NKIRAS1: variants seen among roughly 807,000 people sequenced by gnomAD.
NKIRAS1 encodes the protein NF-kappa-B inhibitor-interacting Ras-like protein 1.
A neutral mutation model predicts 19.8 loss-of-function variants in NKIRAS1; 16 were observed. The observed-to-expected ratio is 0.81, with a 90% confidence interval of 0.55 to 1.23. The LOEUF is 1.23. Among genes scored for constraint, NKIRAS1 ranks in the 50% most tolerant of loss-of-function variants. The probability of loss-of-function intolerance (pLI) is 0.00; values close to 1 mark genes in which losing one functional copy is unlikely to be tolerated. For synonymous variants in NKIRAS1, 88 were observed against 79.0 expected (o/e 1.11, Z -0.61); for missense variants, 184 against 220.0 (o/e 0.84, Z 1.04).
chr3:23,925,519 A>G (rs1181456947), intron 1 of NKIRAS1, among the ~76,000 whole-genome samples: 3 of 152,192 alleles, frequency 2.0e-5, no homozygotes, highest in Non-Finnish European at 2.9e-5. Context: ...CTGTGGTTCC[A>G]GCTACTCAGG....
At chr3:23,907,708 G>C (rs967146307) in intron 3 of NKIRAS1, among the ~76,000 whole-genome samples, 1 of 152,060 alleles carries the variant, frequency 6.6e-6, no homozygotes, top group African/African-American at 2.4e-5. Flanking sequence ...AAATTAAAAA[G>C]CCAGTTTTAC....
At chr3:23,939,607 G>T (rs1245626980) in intron 1 of NKIRAS1, among the ~76,000 whole-genome samples, 1 of 152,180 alleles carries the variant, frequency 6.6e-6, no homozygotes, top group Non-Finnish European at 1.5e-5. Flanking sequence ...TGGGCATGGT[G>T]GCATGTGCCT....
chr3:23,928,893 AG>A (rs1705257636), intron 1 of NKIRAS1, among the ~76,000 whole-genome samples: 1 of 151,846 alleles, frequency 6.6e-6, no homozygotes, highest in Admixed American at 6.6e-5. Context: ...GCCACTTGGT[AG>A]GCTGAAGCAG....
At chr3:23,931,635 T>C (rs1705316956) in intron 1 of NKIRAS1, among the ~76,000 whole-genome samples, 1 of 152,182 alleles carries the variant, frequency 6.6e-6, no homozygotes, top group African/African-American at 2.4e-5. Flanking sequence ...TTTAATGCAT[T>C]CATTTTCTGT....
exon 1 of NKIRAS1, chr3:23,946,323 C>G: frequency 1.0e-6 from 1 of 981,746 alleles, no homozygotes; most frequent in African/African-American, 1.7e-5. Flanking sequence ...AGCTGCATAC[C>G]TTGCAGATTC....
rs574771670 is a variant in NKIRAS1, at chr3:23,909,892, C to T, written c.94+919G>A. ...TTTTTTTTTTTGAGATGGAGTCTCG[C>T]TCTGTCGCCAGGCTGGAGTGCAGTG... On this transcript the variant is annotated intron_variant, in intron 3 of 4. Coordinates refer to ENST00000425478, the MANE Select transcript of NKIRAS1 (RefSeq NM_020345.4). 9.2e-4 allele frequency among the ~76,000 whole-genome samples: 133 copies of T among 144,032 alleles called. 1 individual carries two copies. The highest frequency in any genetic ancestry group is 1.9e-3 in the Admixed American group (26 of 13,866). The allele number at this position is 144,032 out of a possible 152,430, so 94.5% of individuals were successfully genotyped here.
At chr3:23,894,113 AAAAAAGTATGT>A (rs1412994394) in intron 4 of NKIRAS1, among the ~76,000 whole-genome samples, 4 of 152,208 alleles carry the variant, frequency 2.6e-5, no homozygotes, top group East Asian at 1.9e-4. Context: ...GCCAAAAACA[AAAAAAGTATGT>A]GCCAATAGGA....
chr3:23,899,958 T>C lies in NKIRAS1; in HGVS notation c.336+850A>G, dbSNP rs1702345542. On this transcript the variant is annotated intron_variant, in intron 4 of 4. Coordinates refer to ENST00000425478, the MANE Select transcript of NKIRAS1 (RefSeq NM_020345.4). ...GCAGGCGGATCACAAAGTCAGGAGA[T>C]CGAGACCATCCTGGCTAACACGGTG... 2.0e-5 allele frequency among the ~76,000 whole-genome samples: 3 copies of C among 151,424 alleles called. No homozygotes were observed. In the South Asian group the frequency reaches 6.3e-4, roughly 32 times the overall value.
chr3:23,945,214 G>A (rs1419207367), intron 1 of NKIRAS1: 4 of 148,956 alleles, frequency 2.7e-5, no homozygotes, highest in Admixed American at 2.7e-4. Context: ...GGAGGTCGCC[G>A]CAGCGGCCGG....
intron 1 of NKIRAS1, chr3:23,946,182 C>A (rs932720929): frequency 1.9e-5 from 19 of 985,212 alleles, no homozygotes; most frequent in Non-Finnish European, 2.3e-5. Context: ...CCGCTGAGCC[C>A]CCGCGGCGGG....
rs374477269 is a variant in NKIRAS1 at position 23,942,118 on chromosome 3, A to G, written c.-140+4205T>C. On this transcript the variant is annotated intron_variant, in intron 1 of 4. Transcript: ENST00000421515. ...CTCAACCTCCCTAGTGGCTAGGATTACAGGTGTGTGCTACCACATCCGGCT... is the reference window on the plus strand; with the variant it reads ...CTCAACCTCCCTAGTGGCTAGGATTGCAGGTGTGTGCTACCACATCCGGCT... Among the ~76,000 whole-genome samples, 37 of 152,190 alleles carry G rather than the reference A, an allele frequency of 2.4e-4. No individual in the cohort carries two copies. The South Asian group carries it at 4.6e-3, about 19-fold the overall frequency.
intron 3 of NKIRAS1, among the ~76,000 whole-genome samples, chr3:23,905,279 T>C (rs1702910662): frequency 6.6e-6 from 1 of 152,084 alleles, no homozygotes; most frequent in South Asian, 2.1e-4. Context: ...TAACCAAAAG[T>C]CAAGGGAAGG....
upstream of NKIRAS1, chr3:23,920,821 A>T: frequency 2.1e-6 from 2 of 930,972 alleles, no homozygotes; most frequent in Non-Finnish European, 2.6e-6. Context: ...CAACTGAAGG[A>T]ATAAATGTCT....
chr3:23,895,832 T>C (rs73036705), intron 4 of NKIRAS1, among the ~76,000 whole-genome samples: 2,214 of 152,160 alleles, frequency 0.015, 44 homozygotes, highest in Non-Finnish European at 0.019. Context: ...TTCAGTAAGA[T>C]ACGCAATTAG....
rs1279928490 is a variant in NKIRAS1 at position 23,900,807 on chromosome 3, C to T, written c.336+1G>A. 1 of 1,611,630 alleles carries T rather than the reference C, an allele frequency of 6.2e-7. No homozygotes were observed. The highest frequency in any genetic ancestry group is 8.5e-7 in the Non-Finnish European group (1 of 1,178,450). On this transcript the variant is annotated splice_donor_variant, in intron 4 of 4. Coordinates refer to ENST00000425478, the MANE Select transcript of NKIRAS1 (RefSeq NM_020345.4). LOFTEE classifies it high-confidence loss of function. The stretch of plus-strand genomic sequence containing the variant: ...TTGGCATTTTTAACATATCCACTTG[C>T]CTCTTTTTTGTCTTTGAACTTATCG...
chr3:23,902,273 G>A lies in NKIRAS1; in HGVS notation c.95-1224C>T, dbSNP rs573639881. On this transcript the variant is annotated intron_variant, in intron 3 of 4. Transcript: ENST00000425478. ...TACATGAAATGTCCGTTAAGTATTA[G>A]ATTACATAAAATCTCCACAAGTATT... 1.3e-4 allele frequency among the ~76,000 whole-genome samples: 19 copies of A among 151,970 alleles called. No homozygotes were observed. In the South Asian group the frequency reaches 3.9e-3, roughly 32 times the overall value.
At chr3:23,914,516 TAAA>T (rs1442404342) in intron 1 of NKIRAS1, among the ~76,000 whole-genome samples, 1 of 152,232 alleles carries the variant, frequency 6.6e-6, no homozygotes, top group African/African-American at 2.4e-5. Flanking sequence ...TTTACATACA[TAAA>T]AATATATTCA....
chr3:23,919,001 CTA>C (rs1175677144), upstream of NKIRAS1: 5 of 602,090 alleles, frequency 8.3e-6, no homozygotes, highest in East Asian at 2.7e-5. Context: ...GTGTTTCAGT[CTA>C]TGTGTGTTGT....
At chr3:23,912,146 G>A (rs1703810426) in intron 1 of NKIRAS1, among the ~76,000 whole-genome samples, 2 of 152,122 alleles carry the variant, frequency 1.3e-5, no homozygotes, top group African/African-American at 4.8e-5. Flanking sequence ...AGGACTTCAT[G>A]ACTAAAACAC....
Sources: allele counts gnomAD v4.1 joint callset (sites outside exome capture counted in the v4.1 genomes callset), GRCh38; gene constraint gnomAD v4.1.1; transcripts MANE v1.5; gene names NCBI Gene and HGNC (gene_info 2026-07-23, HGNC 2026-07-21).